The following ANK3 variants were observed in gnomAD, a reference collection of about 807,000 sequenced individuals.
ANK3 encodes the protein ankyrin-3.
ANK3 carries 57 observed loss-of-function variants against 370.9 expected under a neutral mutation model. The ratio of observed to expected loss-of-function variants is 0.15; its 90% CI spans 0.12 to 0.19. ANK3 has a LOEUF of 0.19. Among genes scored for constraint, ANK3 ranks in the 10% least tolerant of loss-of-function variants. The probability of loss-of-function intolerance (pLI) is 1.00; values close to 1 mark genes in which losing one functional copy is unlikely to be tolerated. For missense variants in ANK3, 4,439 were observed against 5,302.1 expected, an observed-to-expected ratio of 0.84 and a Z score of 5.06; for synonymous variants, 1,929 against 1,946.3, an observed-to-expected ratio of 0.99 and a Z score of 0.23.
At chr10:60,382,981 A>G (rs2061753892) in intron 1 of ANK3, among the ~76,000 whole-genome samples, 1 of 152,056 alleles carries the variant, frequency 6.6e-6, no homozygotes, top group Non-Finnish European at 1.5e-5. Flanking sequence ...TTAACTTTCA[A>G]CATCTCAAAA....
intron 8 of ANK3, among the ~76,000 whole-genome samples, chr10:60,226,619 T>C (rs2097167571): frequency 9.0e-6 from 1 of 111,442 alleles, no homozygotes; most frequent in South Asian, 3.0e-4. Flanking sequence ...AAAGCAAAAG[T>C]CACTATATAT....
intron 2 of ANK3, among the ~76,000 whole-genome samples, chr10:60,526,518 G>A (rs7906549): frequency 0.67 from 101,881 of 151,946 alleles, 34,681 homozygotes; most frequent in South Asian, 0.87. Flanking sequence ...ATTCCAGATC[G>A]TTGTGACAAA....
At chr10:60,399,533 G>C (rs2063312457) in intron 2 of ANK3, among the ~76,000 whole-genome samples, 2 of 152,030 alleles carry the variant, frequency 1.3e-5, no homozygotes, top group African/African-American at 4.8e-5. Context: ...ACAAAACCAG[G>C]GCCATCGGAG....
At chr10:60,276,026 T>C (rs1056019608) in intron 4 of ANK3, among the ~76,000 whole-genome samples, 1 of 152,190 alleles carries the variant, frequency 6.6e-6, no homozygotes, top group African/African-American at 2.4e-5. Flanking sequence ...TAGGACTAAA[T>C]GATTACTGGA....
chr10:60,132,466 TG>T (rs140535373), intron 25 of ANK3, among the ~76,000 whole-genome samples: 15,412 of 152,162 alleles, frequency 0.1, 1,438 homozygotes, highest in East Asian at 0.52. Context: ...CCTGCCACCA[TG>T]TAAGATGTCT....
chr10:60,610,887 T>C (rs934028523), intron 2 of ANK3, among the ~76,000 whole-genome samples: 2 of 152,186 alleles, frequency 1.3e-5, no homozygotes, highest in African/African-American at 4.8e-5. Context: ...TGCTAAACAG[T>C]ATGCTTTGTG....
intron 1 of ANK3, among the ~76,000 whole-genome samples, chr10:60,380,362 C>T (rs1440540613): frequency 1.3e-5 from 2 of 152,052 alleles, no homozygotes; most frequent in African/African-American, 4.8e-5. Context: ...TCTGTAAAAA[C>T]GATGCTCTCA....
intron 7 of ANK3, among the ~76,000 whole-genome samples, chr10:60,260,588 G>T (rs548751230): frequency 2.0e-5 from 3 of 152,272 alleles, no homozygotes; most frequent in Admixed American, 6.5e-5. Context: ...CATGTTGGAG[G>T]TGCAGTCTGG....
intron 1 of ANK3, among the ~76,000 whole-genome samples, chr10:60,638,462 A>G (rs1249716286): frequency 6.6e-6 from 1 of 152,164 alleles, no homozygotes; most frequent in East Asian, 1.9e-4. Flanking sequence ...GGAACAAAAC[A>G]AAATCCAGCA....
intron 2 of ANK3, among the ~76,000 whole-genome samples, chr10:60,451,293 C>G (rs1004369352): frequency 4.6e-5 from 7 of 152,308 alleles, no homozygotes; most frequent in African/African-American, 1.4e-4. Context: ...GTTTAAGCCA[C>G]CCAGTTTGTA....
intron 7 of ANK3, among the ~76,000 whole-genome samples, chr10:60,261,066 T>C (rs1391412042): frequency 1.1e-4 from 16 of 152,208 alleles, no homozygotes; most frequent in Admixed American, 1.0e-3. Context: ...TTTATAATTG[T>C]TTATTTAATT....
At chr10:60,272,622 G>A (rs2098014825) in intron 4 of ANK3, among the ~76,000 whole-genome samples, 1 of 152,066 alleles carries the variant, frequency 6.6e-6, no homozygotes, top group Non-Finnish European at 1.5e-5. Context: ...TGGGACTACA[G>A]GCATGTGCCA....
intron 5 of ANK3, among the ~76,000 whole-genome samples, chr10:60,268,084 A>T (rs556592772): frequency 6.6e-6 from 1 of 152,254 alleles, no homozygotes; most frequent in Non-Finnish European, 1.5e-5. Context: ...ACCACAGAGC[A>T]CTGTATCCTC....
At chr10:60,146,697 C>T (rs897322473) in intron 23 of ANK3, among the ~76,000 whole-genome samples, 11 of 152,134 alleles carry the variant, frequency 7.2e-5, no homozygotes, top group African/African-American at 2.7e-4. Context: ...CCATATTGGC[C>T]AGGCTGGTGT....
chr10:60,037,514 T>G (rs934377936), intron 43 of ANK3, among the ~76,000 whole-genome samples: 15 of 152,218 alleles, frequency 9.9e-5, no homozygotes, highest in African/African-American at 3.6e-4. Flanking sequence ...TCTCATCATT[T>G]AGCTTCCACT....
intron 1 of ANK3, among the ~76,000 whole-genome samples, chr10:60,729,542 T>C (rs1440531977): frequency 6.6e-6 from 1 of 152,206 alleles, no homozygotes; most frequent in Non-Finnish European, 1.5e-5. Context: ...AGGTCCAAAA[T>C]ATATGTTAGG....
intron 1 of ANK3, among the ~76,000 whole-genome samples, chr10:60,344,224 G>A (rs2054902277): frequency 6.6e-6 from 1 of 152,188 alleles, no homozygotes; most frequent in African/African-American, 2.4e-5. Flanking sequence ...CTAATATCAT[G>A]TCTATATCTT....
At chr10:60,475,278 C>T (rs991878414) in intron 2 of ANK3, among the ~76,000 whole-genome samples, 4 of 148,572 alleles carry the variant, frequency 2.7e-5, no homozygotes, top group South Asian at 2.1e-4. Context: ...GAAAAATACA[C>T]GTCAACTATG....
At chr10:60,722,146 A>G (rs1428670942) in intron 1 of ANK3, among the ~76,000 whole-genome samples, 1 of 152,080 alleles carries the variant, frequency 6.6e-6, no homozygotes, top group Non-Finnish European at 1.5e-5. Context: ...CGCACCCCAC[A>G]GCAGCTTTTC....
Sources: allele counts gnomAD v4.1 joint callset (sites outside exome capture counted in the v4.1 genomes callset), GRCh38; gene constraint gnomAD v4.1.1; transcripts MANE v1.5; gene names NCBI Gene and HGNC (gene_info 2026-07-23, HGNC 2026-07-21).